CFAP46: variants seen among roughly 807,000 people sequenced by gnomAD.
CFAP46 encodes the protein cilia and flagella associated protein 46, also known as cilia- and flagella-associated protein 46.
A neutral mutation model predicts 325.7 loss-of-function variants in CFAP46; 245 were observed. That is an observed-to-expected ratio of 0.75 (90% CI 0.68 to 0.84). The LOEUF (loss-of-function observed/expected upper bound fraction) is 0.84. Among genes scored for constraint, CFAP46 ranks in the 40% least tolerant of loss-of-function variants. The pLI is 0.00. For synonymous variants in CFAP46, 1,523 were observed against 1,495.9 expected (o/e 1.02, Z -0.42); for missense variants, 3,346 against 3,543.0 (o/e 0.94, Z 1.41).
Position 132,929,682 on chromosome 10 carries a change from A to G in CFAP46, c.966+23T>C, listed in dbSNP as rs543013436. 8 of 1,599,596 alleles carry G rather than the reference A, an allele frequency of 5.0e-6. No homozygotes were observed. The African/African-American group carries it at 5.4e-5, about 11-fold the overall frequency. ...GGTGAGCAGCGCCTCATCCCCAGGC[A>G]GCAGTGTCATGAAGCCACTTACTTT... On this transcript the variant is annotated intron_variant, in intron 9 of 57. Coordinates refer to ENST00000368586, the MANE Select transcript of CFAP46 (RefSeq NM_001200049.3).
chr10:132,913,279 A>G (rs997750111), intron 17 of CFAP46, 21 bp from the exon 18 acceptor site: 4 of 1,463,024 alleles, frequency 2.7e-6, no homozygotes, highest in Middle Eastern at 3.6e-4. Flanking sequence ...AGCACCACCA[A>G]GCCCTTAATG....
intron 23 of CFAP46, 41 bp downstream of exon 23, chr10:132,899,494 G>A (rs928927958): frequency 6.6e-7 from 1 of 1,516,620 alleles, no homozygotes; most frequent in Admixed American, 2.1e-5. Context: ...CGCACGGCCG[G>A]GGAGGGACAG....
At chr10:132,938,069 G>A (rs1486686894) in intron 5 of CFAP46, among the ~76,000 whole-genome samples, 1 of 152,190 alleles carries the variant, frequency 6.6e-6, no homozygotes, top group Non-Finnish European at 1.5e-5. Context: ...CGCAGACACA[G>A]AGAGGCTCGG....
In CFAP46 at chr10:132,847,962, G is replaced by A. The variant is rs901583703; in HGVS notation, c.5953-641C>T. ...AATGCAGGCAAAAACCAGCAAGCACGCTGGAGGCAGGGCAGCCGTGGCCAC... is the reference window on the plus strand; with the variant it reads ...AATGCAGGCAAAAACCAGCAAGCACACTGGAGGCAGGGCAGCCGTGGCCAC... On this transcript the variant is annotated intron_variant, in intron 41 of 57. Coordinates refer to ENST00000368586, the MANE Select transcript of CFAP46 (RefSeq NM_001200049.3). The surrounding 1 kb of genome is among the most constrained non-coding windows in gnomAD (Gnocchi z 5.2). Among the ~76,000 whole-genome samples the A allele has an allele frequency of 9.9e-5, 15 of 152,280 alleles. No individual in the cohort carries two copies. The highest frequency in any genetic ancestry group is 4.6e-4 in the Admixed American group (7 of 15,312).
intron 50 of CFAP46, among the ~76,000 whole-genome samples, chr10:132,830,237 G>A (rs540228907): frequency 7.2e-5 from 11 of 152,004 alleles, no homozygotes; most frequent in South Asian, 2.1e-4. Flanking sequence ...TCCACCTCCC[G>A]GGTTCAAGCA....
intron 24 of CFAP46, chr10:132,898,620 C>T (rs151199269): frequency 1.1e-4 from 41 of 379,128 alleles, no homozygotes; most frequent in African/African-American, 8.3e-4. Flanking sequence ...TCTCTCATGG[C>T]AGGTGGGGCC....
chr10:132,912,736 C>T lies in CFAP46; in HGVS notation c.2418G>A (p.Lys806=). ...CGTTTGGTCGCATGAATTTCCTGGA[C>T]TTCTCGGCAGCCTGGACTGGAATCC... is the stretch of plus-strand genomic sequence containing the variant. ...ISWIPVQAAE[K]SRKFMRPNAF... Residue 806 remains lysine, a synonymous_variant, in exon 19 of 58, where the codon AAG becomes AAA. Coordinates refer to ENST00000368586, the MANE Select transcript of CFAP46 (RefSeq NM_001200049.3). 6.5e-7 allele frequency: 1 copy of T among 1,550,380 alleles called. No individual in the cohort carries two copies. Among genetic ancestry groups the T allele is most frequent in the Non-Finnish European group, 8.7e-7 (1 of 1,146,988 alleles).
At chr10:132,902,581 C>T (rs1429062978) in intron 22 of CFAP46, among the ~76,000 whole-genome samples, 1 of 152,208 alleles carries the variant, frequency 6.6e-6, no homozygotes, top group Non-Finnish European at 1.5e-5. Context: ...CTGTTTTCAA[C>T]TCCTCATCTG....
In CFAP46 at chr10:132,847,519, A is replaced by C. The variant is rs1453521726; in HGVS notation, c.5953-198T>G. Among the ~76,000 whole-genome samples the C allele has an allele frequency of 6.6e-6, 1 of 151,982 alleles. No individual in the cohort carries two copies. The highest frequency in any genetic ancestry group is 1.5e-5 in the Non-Finnish European group (1 of 67,976). On this transcript the variant is annotated intron_variant, in intron 41 of 57. Coordinates refer to ENST00000368586, the MANE Select transcript of CFAP46 (RefSeq NM_001200049.3). This position sits in a 1 kb window ranked among gnomAD's most constrained non-coding sequence, Gnocchi z 5.2. Reference sequence around the variant, plus strand: ...TGATGCAGGGTGGCCCTGACCCGTGAGCCTGGGCAAGGGGACGCTGGAGCC... The same window carrying C: ...TGATGCAGGGTGGCCCTGACCCGTGCGCCTGGGCAAGGGGACGCTGGAGCC...
At position 132,869,980 on chromosome 10, in the gene CFAP46, G is replaced by A. The variant is rs1446383852; in HGVS notation, c.4512-608C>T. ...ATATTTTACAAATTGAAAGTCTGGG[G>A]CAGCCCTGAGCGACCAAGTCCATCG... On this transcript the variant is annotated intron_variant, in intron 32 of 57. Transcript: ENST00000368586. The surrounding 1 kb of genome is among the most constrained non-coding windows in gnomAD (Gnocchi z 6.2). 1.3e-5 allele frequency among the ~76,000 whole-genome samples: 2 copies of A among 152,204 alleles called. 1 individual carries two copies. Among genetic ancestry groups the A allele is most frequent in the African/African-American group, 4.8e-5 (2 of 41,444 alleles).
intron 24 of CFAP46, among the ~76,000 whole-genome samples, chr10:132,893,644 A>G (rs1301700581): frequency 6.6e-6 from 1 of 152,144 alleles, no homozygotes; most frequent in Non-Finnish European, 1.5e-5. Flanking sequence ...AGCTGAACTG[A>G]GCAAAAGTCC....
At chr10:132,851,932 T>A (rs927080330) in intron 39 of CFAP46, among the ~76,000 whole-genome samples, 25 of 151,342 alleles carry the variant, frequency 1.7e-4, no homozygotes, top group African/African-American at 5.4e-4. Context: ...AATTCTCAGA[T>A]CCTGATCCAC....
intron 33 of CFAP46, among the ~76,000 whole-genome samples, chr10:132,867,816 G>T (rs1333408259): frequency 6.6e-6 from 1 of 151,882 alleles, no homozygotes; most frequent in Non-Finnish European, 1.5e-5. Flanking sequence ...GCCTCCCGCG[G>T]GCACCCCCAC....
chr10:132,835,541 T>G (rs532948418), intron 46 of CFAP46, 107 bp from the exon 47 acceptor site: 1 of 1,403,690 alleles, frequency 7.1e-7, no homozygotes, highest in African/African-American at 1.4e-5. Context: ...CAGGAAAGGC[T>G]GCATGGATGG....
At position 132,922,682 on chromosome 10, in the gene CFAP46, A is replaced by G; in HGVS notation, c.1283T>C (p.Val428Ala). Residue 428 changes from valine (V) to alanine (A), a missense_variant, in exon 12 of 58, where the codon GTG becomes GCG. By Grantham distance (64) the Val-to-Ala change is moderately conservative (BLOSUM62 0). Coordinates refer to ENST00000368586, the MANE Select transcript of CFAP46 (RefSeq NM_001200049.3). The part of the protein sequence containing the change: ...DSLMTLLRCQ[V>A]HMEMAQIEED... ...CTCGATCTGCGCCATCTCCATGTGC[A>G]CTTGACAGCGGAGAAGCGTCATGAG... 3 of 1,549,306 alleles carry G rather than the reference A, an allele frequency of 1.9e-6. No homozygotes were observed. The highest frequency in any genetic ancestry group is 2.6e-6 in the Non-Finnish European group (3 of 1,146,248).
chr10:132,940,153 T>C (rs1323964759), intron 4 of CFAP46, among the ~76,000 whole-genome samples: 1 of 152,080 alleles, frequency 6.6e-6, no homozygotes, highest in Non-Finnish European at 1.5e-5. Context: ...GGCTGGGCCC[T>C]ACATCCCCAG....
intron 39 of CFAP46, among the ~76,000 whole-genome samples, chr10:132,852,839 A>T (rs1464240616): frequency 1.3e-5 from 2 of 152,224 alleles, no homozygotes; most frequent in Admixed American, 1.3e-4. Context: ...TTGTTTCAAA[A>T]TTTTTAATGT....
chr10:132,875,590 T>C (rs1397813839), intron 31 of CFAP46, among the ~76,000 whole-genome samples: 1 of 152,186 alleles, frequency 6.6e-6, no homozygotes, highest in Non-Finnish European at 1.5e-5. Flanking sequence ...GGTGGGCAAC[T>C]GCTCATGCCC....
At chr10:132,842,819 GC>G (rs1455238985) in intron 44 of CFAP46, among the ~76,000 whole-genome samples, 1 of 152,196 alleles carries the variant, frequency 6.6e-6, no homozygotes, top group Non-Finnish European at 1.5e-5. Flanking sequence ...CGGTGAGGGG[GC>G]TGTGTTAGCC....
Sources: gnomAD v4.1 joint callset for allele counts (sites outside exome capture counted in the v4.1 genomes callset) on GRCh38, gnomAD v4.1.1 for gene constraint, Gnocchi (gnomAD v3.1) non-coding constraint, MANE v1.5 for transcripts, NCBI Gene and HGNC (gene_info 2026-07-23, HGNC 2026-07-21) for gene names.